SLC4A10: variants seen among roughly 807,000 people sequenced by gnomAD.
SLC4A10 encodes solute carrier family 4 member 10.
A neutral mutation model predicts 137.7 loss-of-function variants in SLC4A10; 42 were observed. That is an observed-to-expected ratio of 0.30 (90% CI 0.24 to 0.39). The LOEUF (loss-of-function observed/expected upper bound fraction) is 0.39. Among genes scored for constraint, SLC4A10 ranks in the 10% least tolerant of loss-of-function variants. The pLI, the probability that SLC4A10 is intolerant of heterozygous loss-of-function variation, is 1.00. For missense variants in SLC4A10, 925 were observed against 1,355.0 expected (o/e 0.68, Z 4.98); for synonymous variants, 474 against 464.1 (o/e 1.02, Z -0.27).
intron 1 of SLC4A10, among the ~76,000 whole-genome samples, chr2:161,658,308 A>G (rs1216297898): frequency 6.6e-6 from 1 of 152,210 alleles, no homozygotes; most frequent in Non-Finnish European, 1.5e-5. Context: ...GAATTAAAAC[A>G]TTTAAGATAA....
chr2:161,817,508 G>A (rs1418918989), intron 3 of SLC4A10, among the ~76,000 whole-genome samples: 2 of 151,974 alleles, frequency 1.3e-5, no homozygotes, highest in African/African-American at 4.8e-5. Context: ...GTCAATTTTG[G>A]CTTTTGTTGC....
intron 26 of SLC4A10, among the ~76,000 whole-genome samples, 192 bp from the exon 27 acceptor site, chr2:161,982,987 C>T (rs540280770): frequency 1.3e-5 from 2 of 152,228 alleles, no homozygotes; most frequent in African/African-American, 4.8e-5. Flanking sequence ...CTCTGCAGTT[C>T]TTGGTTTCTA....
intron 15 of SLC4A10, among the ~76,000 whole-genome samples, chr2:161,916,460 G>C (rs568549462): frequency 4.6e-4 from 70 of 152,108 alleles, no homozygotes; most frequent in Admixed American, 4.6e-3. Context: ...AATTTTATGC[G>C]TACTCTTCCA....
At chr2:161,859,541 T>A (rs2060293480) in intron 5 of SLC4A10, among the ~76,000 whole-genome samples, 1 of 151,294 alleles carries the variant, frequency 6.6e-6, no homozygotes, top group Admixed American at 6.6e-5. Flanking sequence ...TAGAGTCTGC[T>A]TAGTGTTAGC....
intron 1 of SLC4A10, among the ~76,000 whole-genome samples, chr2:161,703,746 G>C (rs1484998781): frequency 6.6e-6 from 1 of 151,670 alleles, no homozygotes; most frequent in Non-Finnish European, 1.5e-5. Context: ...ATTAAGGTTT[G>C]CTGCAGTCAT....
intron 23 of SLC4A10, among the ~76,000 whole-genome samples, chr2:161,972,076 G>T (rs943897433): frequency 6.6e-6 from 1 of 151,992 alleles, no homozygotes; most frequent in South Asian, 2.1e-4. Context: ...CAGCTTTTTT[G>T]CATTTTACTC....
At chr2:161,713,424 G>A (rs1453888195) in intron 1 of SLC4A10, among the ~76,000 whole-genome samples, 1 of 151,754 alleles carries the variant, frequency 6.6e-6, no homozygotes, top group African/African-American at 2.4e-5. Flanking sequence ...GAAACAAACT[G>A]AAGGATTTTA....
At chr2:161,743,861 T>C (rs1252364212) in intron 1 of SLC4A10, among the ~76,000 whole-genome samples, 1 of 152,142 alleles carries the variant, frequency 6.6e-6, no homozygotes, top group Non-Finnish European at 1.5e-5. Flanking sequence ...ACCTCTTTGA[T>C]GAAGTTTATT....
chr2:161,977,366 C>T (rs1005532973), intron 25 of SLC4A10: 16 of 461,010 alleles, frequency 3.5e-5, no homozygotes, highest in Non-Finnish European at 6.9e-5. Context: ...CTTTCAACTC[C>T]TGAAAGTTCT....
At chr2:161,775,911 T>A (rs2052268303) in intron 2 of SLC4A10, among the ~76,000 whole-genome samples, 1 of 151,852 alleles carries the variant, frequency 6.6e-6, no homozygotes, top group African/African-American at 2.4e-5. Context: ...AGAAGAAAAT[T>A]TAATAGCTAA....
chr2:161,927,614 C>A (rs1474324482), intron 15 of SLC4A10, among the ~76,000 whole-genome samples: 4 of 152,084 alleles, frequency 2.6e-5, no homozygotes, highest in Non-Finnish European at 5.9e-5. Flanking sequence ...ATTTTCGCAA[C>A]CTACTCATCT....
At chr2:161,719,800 T>C (rs2045415466) in intron 1 of SLC4A10, among the ~76,000 whole-genome samples, 1 of 152,176 alleles carries the variant, frequency 6.6e-6, no homozygotes, top group Non-Finnish European at 1.5e-5. Flanking sequence ...ATTAGCCCTT[T>C]GTCAGATGAG....
chr2:161,660,310 C>T (rs575769699), intron 1 of SLC4A10, among the ~76,000 whole-genome samples: 1 of 152,374 alleles, frequency 6.6e-6, no homozygotes, highest in East Asian at 1.9e-4. Context: ...AAATTATTTA[C>T]TGATCTCCTT....
chr2:161,954,132 A>G (rs1454596274), intron 19 of SLC4A10, among the ~76,000 whole-genome samples: 1 of 152,206 alleles, frequency 6.6e-6, no homozygotes. Context: ...TGCATTTGCA[A>G]CATTCATTTG....
intron 2 of SLC4A10, among the ~76,000 whole-genome samples, chr2:161,794,857 C>T (rs1341065130): frequency 6.6e-6 from 1 of 151,966 alleles, no homozygotes; most frequent in Non-Finnish European, 1.5e-5. Context: ...GGAAGAGATG[C>T]GTGTAACTGG....
intron 1 of SLC4A10, among the ~76,000 whole-genome samples, chr2:161,766,971 G>A (rs570134577): frequency 6.6e-6 from 1 of 150,780 alleles, no homozygotes; most frequent in Middle Eastern, 3.4e-3. Flanking sequence ...TTTGCTATGT[G>A]TGATGCACAG....
chr2:161,845,854 G>C (rs1254581215), intron 4 of SLC4A10, among the ~76,000 whole-genome samples: 1 of 152,026 alleles, frequency 6.6e-6, no homozygotes, highest in African/African-American at 2.4e-5. Context: ...ATTTAAATTT[G>C]AAACATAAAG....
At chr2:161,903,014 C>A (rs1217455226) in intron 12 of SLC4A10, among the ~76,000 whole-genome samples, 4 of 152,092 alleles carry the variant, frequency 2.6e-5, no homozygotes, top group African/African-American at 9.7e-5. Context: ...TTCATTTTTG[C>A]TATCACATCA....
At chr2:161,759,475 C>T (rs2050017185) in intron 1 of SLC4A10, among the ~76,000 whole-genome samples, 1 of 151,970 alleles carries the variant, frequency 6.6e-6, no homozygotes, top group African/African-American at 2.4e-5. Flanking sequence ...ACCAATATCT[C>T]CCCATTTCTG....
Sources: allele counts gnomAD v4.1 joint callset (sites outside exome capture counted in the v4.1 genomes callset), GRCh38; gene constraint gnomAD v4.1.1; transcripts MANE v1.5; gene names NCBI Gene and HGNC (gene_info 2026-07-23, HGNC 2026-07-21).